NAMPT: variants seen among roughly 807,000 people sequenced by gnomAD.
NAMPT encodes the protein nicotinamide phosphoribosyltransferase, also known as NAmPRTase.
In NAMPT, 7 loss-of-function variants were observed where a neutral mutation model predicts 58.7. The ratio of observed to expected loss-of-function variants is 0.12; its 90% confidence interval spans 0.07 to 0.22. The LOEUF is 0.22. NAMPT is among the 10% of genes least tolerant of loss of function. NAMPT has a pLI of 1.00. For synonymous variants in NAMPT, 145 were observed against 198.1 expected (o/e 0.73, Z 2.25); for missense variants, 271 against 567.9 (o/e 0.48, Z 5.31).
intron 5 of NAMPT, among the ~76,000 whole-genome samples, chr7:106,268,819 C>G (rs1792476538): frequency 6.6e-6 from 1 of 152,142 alleles, no homozygotes; most frequent in Non-Finnish European, 1.5e-5. Context: ...CTCAAAGAGA[C>G]CTATTTAACA....
intron 10 of NAMPT, 121 bp from the exon 11 acceptor site, chr7:106,251,314 G>T: frequency 1.5e-6 from 1 of 665,894 alleles, no homozygotes; most frequent in East Asian, 2.7e-5. Flanking sequence ...TTCAAATTGT[G>T]AGATGATTTG....
At chr7:106,281,922 G>A (rs140765280) in intron 1 of NAMPT, among the ~76,000 whole-genome samples, 52 of 152,144 alleles carry the variant, frequency 3.4e-4, no homozygotes, top group African/African-American at 1.2e-3. Context: ...AATTATTAAT[G>A]ACCTAAATTA....
chr7:106,285,100 G>A, upstream of NAMPT: 4 of 1,348,058 alleles, frequency 3.0e-6, no homozygotes, highest in Non-Finnish European at 3.8e-6. Context: ...TCGCGTGCTC[G>A]CAGTCTGGGA....
In NAMPT at chr7:106,253,171, A is replaced by C; in HGVS notation, c.1231-20T>G. Reference sequence around the variant, plus strand: ...GTTAATCTGAAATCCAAATTAAGAAAGTTAGACAAGTAGAAGACTAATCAT... The same window carrying C: ...GTTAATCTGAAATCCAAATTAAGAACGTTAGACAAGTAGAAGACTAATCAT... On this transcript the variant is annotated intron_variant, in intron 9 of 10. Coordinates refer to ENST00000222553, the MANE Select transcript of NAMPT (RefSeq NM_005746.3). 1.2e-6 allele frequency: 2 copies of C among 1,608,976 alleles called. No individual in the cohort carries two copies. The highest frequency in any genetic ancestry group is 1.7e-6 in the Non-Finnish European group (2 of 1,177,650).
intron 1 of NAMPT, among the ~76,000 whole-genome samples, chr7:106,279,508 A>G (rs1296216143): frequency 6.6e-6 from 1 of 152,246 alleles, no homozygotes; most frequent in Non-Finnish European, 1.5e-5. Flanking sequence ...CAATGTAGTC[A>G]AAAGGATTTA....
At chr7:106,260,014 G>A (rs1792276098) in intron 8 of NAMPT, among the ~76,000 whole-genome samples, 1 of 151,668 alleles carries the variant, frequency 6.6e-6, no homozygotes, top group Non-Finnish European at 1.5e-5. Context: ...AGTAGATTCA[G>A]CAAATTCTAA....
Position 106,284,891 on chromosome 7 carries a change from C to G in NAMPT, c.-7G>C, listed in dbSNP as rs755381666. 1.3e-6 allele frequency: 2 copies of G among 1,583,016 alleles called. No homozygotes were observed. Among genetic ancestry groups the G allele is most frequent in the African/African-American group, 2.7e-5 (2 of 74,394 alleles). Reference sequence around the variant, plus strand: ...CTTCTGCCGCAGGATTCATCTCGGGCCGGAGGACAGGGGCCGCGCGCCGCG... The same window carrying G: ...CTTCTGCCGCAGGATTCATCTCGGGGCGGAGGACAGGGGCCGCGCGCCGCG... On this transcript the variant is annotated 5_prime_UTR_variant, in exon 1 of 11. Transcript: ENST00000222553.
Position 106,263,550 on chromosome 7 carries a change from A to C in NAMPT, c.811T>G (p.Ser271Ala). Reference sequence around the variant, plus strand: ...TCGCTGACCACAGATACAGGCACTGATGAAAACTGTGTTACAATATGTTCA... The same window carrying C: ...TCGCTGACCACAGATACAGGCACTGCTGAAAACTGTGTTACAATATGTTCA... The part of the protein sequence containing the change: ...AFEHIVTQFS[S>A]VPVSVVSDSY... The change falls in exon 7 of 11, where the codon TCA becomes GCA. Residue 271 changes from serine (S) to alanine (A), a missense_variant. By Grantham distance (99) the Ser-to-Ala change is moderately conservative. Transcript: ENST00000222553. 6.2e-7 allele frequency: 1 copy of C among 1,613,528 alleles called. No homozygotes were observed. The highest frequency in any genetic ancestry group is 8.5e-7 in the Non-Finnish European group (1 of 1,179,492).
Position 106,267,773 on chromosome 7 carries a change from G to A in NAMPT, c.743+691C>T, listed in dbSNP as rs372765566. Among the ~76,000 whole-genome samples the A allele has an allele frequency of 5.9e-3, 794 of 134,684 alleles. 5 individuals are homozygous for A. The highest frequency in any genetic ancestry group is 0.021 in the African/African-American group (753 of 36,106). 88.4% of individuals were successfully genotyped at this position (134,684 alleles called of 152,430 possible). ...GGAGAATGGCGTGAACCTGGGAGGC[G>A]GAGCTTGCAGTGAGCCGAGATCCCG... On this transcript the variant is annotated intron_variant, in intron 6 of 10. Transcript: ENST00000222553.
At chr7:106,256,644 TTTAC>T (rs1340703511) in intron 8 of NAMPT, among the ~76,000 whole-genome samples, 2 of 152,210 alleles carry the variant, frequency 1.3e-5, no homozygotes, top group African/African-American at 4.8e-5. Context: ...TATTCAACAC[TTTAC>T]TATAAAATAG....
At chr7:106,285,027 G>C (rs899704568), upstream of NAMPT, 1 of 1,429,780 alleles carries the variant, frequency 7.0e-7, no homozygotes, top group African/African-American at 1.4e-5. Context: ...CGGAGAGAGG[G>C]GAGGGGTCAG....
chr7:106,273,871 C>T (rs1239411324), intron 3 of NAMPT, among the ~76,000 whole-genome samples: 1 of 151,818 alleles, frequency 6.6e-6, no homozygotes. Flanking sequence ...TCAGTATTGT[C>T]ATATAGGCAT....
chr7:106,248,861 AAGTC>A lies in NAMPT; in HGVS notation c.*2218_*2221del, dbSNP rs1422706097. The A allele has an allele frequency of 7.2e-5, 11 of 152,098 alleles. No homozygotes were observed. Among genetic ancestry groups the A allele is most frequent in the Non-Finnish European group, 1.0e-4 (7 of 67,966 alleles). The allele number at this position is 152,098 out of a possible 1,614,324, so 9.4% of individuals were successfully genotyped here. A position where few individuals can be genotyped will look rare whatever the true frequency, so the allele number is the denominator to read the frequency against. ...CAAATACCAAGTGCTTAGTGACAGAAAGTCAGAATTAATCAGTTCCAAGTGACTA... is the reference window on the plus strand; with the variant it reads ...CAAATACCAAGTGCTTAGTGACAGAAAGAATTAATCAGTTCCAAGTGACTA... On this transcript the variant is annotated 3_prime_UTR_variant, in exon 11 of 11. Coordinates refer to ENST00000222553, the MANE Select transcript of NAMPT (RefSeq NM_005746.3).
chr7:106,285,408 C>T, upstream of NAMPT: 2 of 523,904 alleles, frequency 3.8e-6, no homozygotes, highest in Non-Finnish European at 4.9e-6. Context: ...CCGGTTCGCC[C>T]GCCCCGCCTG....
At chr7:106,272,441 G>A (rs987644797) in intron 4 of NAMPT, 89 bp downstream of exon 4, 1 of 1,211,638 alleles carries the variant, frequency 8.3e-7, no homozygotes, top group Admixed American at 2.6e-5. Context: ...AGATTATATA[G>A]CTTTATTAGT....
intron 6 of NAMPT, among the ~76,000 whole-genome samples, chr7:106,265,145 C>T (rs773839917): frequency 2.0e-4 from 30 of 152,096 alleles, no homozygotes; most frequent in Non-Finnish European, 1.0e-4. Flanking sequence ...AGAAGCTCCT[C>T]TTCATATTCA....
In NAMPT at chr7:106,254,278, A is replaced by G. The variant is rs746142374; in HGVS notation, c.1230+86T>C. The G allele has an allele frequency of 1.4e-5, 20 of 1,471,392 alleles. No homozygotes were observed. In the East Asian group the frequency reaches 1.8e-4, roughly 13 times the overall value. 91.1% of individuals were successfully genotyped at this position (1,471,392 alleles called of 1,614,324 possible). On this transcript the variant is annotated intron_variant, in intron 9 of 10. Transcript: ENST00000222553. ...ATATTAACAGTCCACGGCCACATCA[A>G]TCTTTGACAAATGCACTCAATAACC...
At chr7:106,284,055 G>C (rs1231976587) in intron 1 of NAMPT, among the ~76,000 whole-genome samples, 2 of 152,194 alleles carry the variant, frequency 1.3e-5, no homozygotes, top group East Asian at 1.9e-4. Flanking sequence ...ATGTTCTCTA[G>C]GGTTAAAACT....
chr7:106,267,594 C>A (rs1047900743), intron 6 of NAMPT, among the ~76,000 whole-genome samples: 6 of 151,916 alleles, frequency 3.9e-5, no homozygotes, highest in Non-Finnish European at 8.8e-5. Context: ...GTAATCCCAG[C>A]ACTTTGGGAG....
Sources: gnomAD v4.1 joint callset for allele counts (sites outside exome capture counted in the v4.1 genomes callset) on GRCh38, gnomAD v4.1.1 for gene constraint, MANE v1.5 for transcripts, NCBI Gene and HGNC (gene_info 2026-07-23, HGNC 2026-07-21) for gene names.